RBMS3: variants seen among roughly 807,000 people sequenced by gnomAD.
RBMS3 encodes the protein RNA binding motif single stranded interacting protein 3, also known as RNA-binding motif, single-stranded-interacting protein 3.
RBMS3 carries 27 observed loss-of-function variants against 66.8 expected under a neutral mutation model. The observed-to-expected ratio is 0.40, with a 90% confidence interval of 0.30 to 0.56. The LOEUF (loss-of-function observed/expected upper bound fraction) is 0.56. RBMS3 is among the 20% of genes least tolerant of loss of function. The pLI is 0.40. For missense variants in RBMS3, 513 were observed against 549.5 expected (o/e 0.93, Z 0.66); for synonymous variants, 188 against 183.0 (o/e 1.03, Z -0.22).
intron 4 of RBMS3, among the ~76,000 whole-genome samples, chr3:29,647,411 CA>C (rs374608108): frequency 1.3e-5 from 2 of 152,088 alleles, no homozygotes; most frequent in African/African-American, 4.8e-5. Context: ...AAATTAAAAA[CA>C]AAAACAAAAA....
At chr3:29,735,233 G>A (rs2149342668) in intron 4 of RBMS3, among the ~76,000 whole-genome samples, 1 of 152,202 alleles carries the variant, frequency 6.6e-6, no homozygotes, top group East Asian at 1.9e-4. Context: ...CTGCTCAAAA[G>A]CAAATGAATG....
intron 12 of RBMS3, among the ~76,000 whole-genome samples, chr3:29,983,032 G>A (rs1295042601): frequency 6.6e-6 from 1 of 152,138 alleles, no homozygotes; most frequent in Non-Finnish European, 1.5e-5. Context: ...CTATTATGGT[G>A]TGGGAGTCTA....
chr3:29,747,457 G>C (rs146026813), intron 5 of RBMS3, among the ~76,000 whole-genome samples: 8 of 151,420 alleles, frequency 5.3e-5, no homozygotes, highest in Non-Finnish European at 1.2e-4. Context: ...TAGATGTCAG[G>C]TCACTATTAT....
intron 3 of RBMS3, among the ~76,000 whole-genome samples, chr3:29,564,982 T>C (rs765348464): frequency 4.6e-5 from 7 of 152,040 alleles, no homozygotes; most frequent in Non-Finnish European, 1.0e-4. Context: ...GCAGCAGGAG[T>C]TTCCTTTAGA....
intron 4 of RBMS3, among the ~76,000 whole-genome samples, chr3:29,708,707 C>G (rs1219789610): frequency 3.9e-5 from 6 of 151,982 alleles, no homozygotes; most frequent in East Asian, 1.9e-4. Flanking sequence ...GAAGCAGAGA[C>G]TATGGGTGGG....
intron 12 of RBMS3, among the ~76,000 whole-genome samples, chr3:29,981,190 T>C (rs1697962604): frequency 6.6e-6 from 1 of 152,136 alleles, no homozygotes; most frequent in African/African-American, 2.4e-5. Context: ...ATTCTCTTTG[T>C]AGCAATTGTG....
At chr3:29,846,041 G>A (rs533136775) in intron 6 of RBMS3, among the ~76,000 whole-genome samples, 59 of 151,986 alleles carry the variant, frequency 3.9e-4, no homozygotes, top group African/African-American at 1.2e-3. Flanking sequence ...GTAAAGATAA[G>A]TAGTGACCTT....
At chr3:29,393,692 C>T (rs1280146699) in intron 1 of RBMS3, among the ~76,000 whole-genome samples, 3 of 152,044 alleles carry the variant, frequency 2.0e-5, no homozygotes, top group East Asian at 3.9e-4. Context: ...CCCTAAGTGT[C>T]GACCCTAAGT....
intron 3 of RBMS3, among the ~76,000 whole-genome samples, chr3:29,582,921 A>G (rs1008566158): frequency 6.6e-6 from 1 of 152,114 alleles, no homozygotes; most frequent in East Asian, 1.9e-4. Flanking sequence ...ATAAACTTCT[A>G]TTGTAACTAG....
intron 3 of RBMS3, among the ~76,000 whole-genome samples, chr3:29,573,638 T>C (rs943655926): frequency 1.3e-5 from 2 of 152,186 alleles, no homozygotes; most frequent in African/African-American, 4.8e-5. Context: ...TTTTAGTTCT[T>C]TAAGATGCAT....
chr3:29,459,779 A>G (rs901244434), intron 2 of RBMS3, among the ~76,000 whole-genome samples: 1 of 152,242 alleles, frequency 6.6e-6, no homozygotes, highest in Non-Finnish European at 1.5e-5. Context: ...CTTCTGTAAT[A>G]TAGGCCCTTT....
intron 1 of RBMS3, among the ~76,000 whole-genome samples, chr3:29,406,730 C>A (rs1366633924): frequency 1.3e-5 from 2 of 152,186 alleles, no homozygotes; most frequent in African/African-American, 4.8e-5. Context: ...TACACATACA[C>A]AAACATATAT....
intron 1 of RBMS3, among the ~76,000 whole-genome samples, chr3:29,376,926 A>C (rs1461245114): frequency 1.3e-5 from 2 of 151,484 alleles, no homozygotes; most frequent in African/African-American, 2.4e-5. Context: ...AAACAACAAC[A>C]AAATACAAAA....
At chr3:29,829,587 G>T (rs1039447497) in intron 6 of RBMS3, among the ~76,000 whole-genome samples, 2 of 152,116 alleles carry the variant, frequency 1.3e-5, no homozygotes, top group South Asian at 4.1e-4. Context: ...GAAGCAGAAT[G>T]GGGGAGGAGA....
chr3:29,430,398 T>A lies in RBMS3; in HGVS notation c.76-4345T>A, dbSNP rs1408278276. Among the ~76,000 whole-genome samples, 7 of 152,178 alleles carry A rather than the reference T, an allele frequency of 4.6e-5. No individual in the cohort carries two copies. In the South Asian group the frequency reaches 6.2e-4, roughly 13 times the overall value. Reference sequence around the variant, plus strand: ...TGTTCAGAAAGCTTCTGAAATACATTCTTTCTTCACAAGTCTGGTGCTTCC... The same window carrying A: ...TGTTCAGAAAGCTTCTGAAATACATACTTTCTTCACAAGTCTGGTGCTTCC... On this transcript the variant is annotated intron_variant, in intron 1 of 14. Transcript: ENST00000383767.
chr3:29,591,604 G>A (rs899402180), intron 4 of RBMS3, among the ~76,000 whole-genome samples: 1 of 152,114 alleles, frequency 6.6e-6, no homozygotes, highest in Non-Finnish European at 1.5e-5. Context: ...CCTCATTGAG[G>A]CCTCGCTGGA....
At chr3:29,853,973 A>T (rs181715801) in intron 6 of RBMS3, among the ~76,000 whole-genome samples, 176 of 152,272 alleles carry the variant, frequency 1.2e-3, no homozygotes, top group Admixed American at 1.9e-3. Context: ...GAAGGGAGAC[A>T]CTTATGAGTC....
intron 1 of RBMS3, among the ~76,000 whole-genome samples, chr3:29,321,107 T>C (rs1481681823): frequency 6.6e-6 from 1 of 152,076 alleles, no homozygotes. Context: ...TAAGATAGAA[T>C]CTCATAGAAC....
chr3:29,709,088 C>T (rs73829311), intron 4 of RBMS3, among the ~76,000 whole-genome samples: 12,006 of 152,214 alleles, frequency 0.079, 1,592 homozygotes, highest in African/African-American at 0.27. Context: ...GTTCTCCCTT[C>T]GTTCACTCCT....
Sources: gnomAD v4.1 joint callset for allele counts (sites outside exome capture counted in the v4.1 genomes callset) on GRCh38, gnomAD v4.1.1 for gene constraint, MANE v1.5 for transcripts, NCBI Gene and HGNC (gene_info 2026-07-23, HGNC 2026-07-21) for gene names.